GRK5: variants seen among roughly 807,000 people sequenced by gnomAD.
GRK5 encodes the protein G protein-coupled receptor kinase 5.
In GRK5, 40 loss-of-function variants were observed where a neutral mutation model predicts 78.4. The ratio of observed to expected loss-of-function variants is 0.51; its 90% CI spans 0.40 to 0.66. The LOEUF (loss-of-function observed/expected upper bound fraction) is 0.66, where lower values mean the gene tolerates loss of function less well. GRK5 is among the 30% of genes least tolerant of loss of function. The pLI, the probability that GRK5 is intolerant of heterozygous loss-of-function variation, is 0.00. For missense variants in GRK5, 598 were observed against 759.9 expected (o/e 0.79, Z 2.50); for synonymous variants, 289 against 296.8 (o/e 0.97, Z 0.27).
At chr10:119,337,847 C>T (rs1278487044) in intron 2 of GRK5, among the ~76,000 whole-genome samples, 4 of 152,074 alleles carry the variant, frequency 2.6e-5, no homozygotes, top group Non-Finnish European at 4.4e-5. Flanking sequence ...GTTTTGAACT[C>T]CTGATCTCAG....
intron 2 of GRK5, among the ~76,000 whole-genome samples, chr10:119,345,032 C>T (rs1217708524): frequency 6.6e-6 from 1 of 151,564 alleles, no homozygotes; most frequent in Non-Finnish European, 1.5e-5. Flanking sequence ...GCAGTGGCGC[C>T]ATCTCGGCTC....
At chr10:119,443,233 A>G (rs538481672) in intron 11 of GRK5, among the ~76,000 whole-genome samples, 19 of 152,172 alleles carry the variant, frequency 1.2e-4, no homozygotes, top group Non-Finnish European at 2.5e-4. Context: ...AAACAAATAT[A>G]CTGATAGCAC....
chr10:119,395,200 G>A (rs1201857780), intron 3 of GRK5, among the ~76,000 whole-genome samples: 2 of 152,198 alleles, frequency 1.3e-5, no homozygotes, highest in Non-Finnish European at 2.9e-5. Flanking sequence ...CTATCTCCCT[G>A]TGATCTAAAT....
chr10:119,271,020 G>A lies in GRK5; in HGVS notation c.53-55496G>A, dbSNP rs1175483125. ...TGAAATGCATTTAAATGTCATGAGT[G>A]TTATTATTAGTCGTAATCTTATCTT... On this transcript the variant is annotated intron_variant, in intron 1 of 15. Transcript: ENST00000392870. The surrounding 1 kb of genome is among the most constrained non-coding windows in gnomAD (Gnocchi z 4.1). Among the ~76,000 whole-genome samples, 13 of 152,352 alleles carry A rather than the reference G, an allele frequency of 8.5e-5. No homozygotes were observed. Among genetic ancestry groups the A allele is most frequent in the Non-Finnish European group, 2.9e-5 (2 of 68,038 alleles).
Position 119,217,591 on chromosome 10 carries a change from C to T in GRK5, c.52+9622C>T, listed in dbSNP as rs1848595033. ...CATGGCTAGTGGCCAACGAATTGCCCCCAAGGGACTGGATGTGAAGCCCCA... is the reference window on the plus strand; with the variant it reads ...CATGGCTAGTGGCCAACGAATTGCCTCCAAGGGACTGGATGTGAAGCCCCA... On this transcript the variant is annotated intron_variant, in intron 1 of 15. Coordinates refer to ENST00000392870, the MANE Select transcript of GRK5 (RefSeq NM_005308.3). This position sits in a 1 kb window ranked among gnomAD's most constrained non-coding sequence, Gnocchi z 4.1. Among the ~76,000 whole-genome samples the T allele has an allele frequency of 6.6e-6, 1 of 152,218 alleles. No homozygotes were observed. Among genetic ancestry groups the T allele is most frequent in the Non-Finnish European group, 1.5e-5 (1 of 68,036 alleles).
chr10:119,299,840 T>G (rs1182959099), intron 1 of GRK5, among the ~76,000 whole-genome samples: 1 of 151,860 alleles, frequency 6.6e-6, no homozygotes, highest in Non-Finnish European at 1.5e-5. Flanking sequence ...CACTTTAAGT[T>G]CTAGGGTACA....
At chr10:119,274,081 G>A (rs1849629252) in intron 1 of GRK5, among the ~76,000 whole-genome samples, 1 of 152,152 alleles carries the variant, frequency 6.6e-6, no homozygotes, top group African/African-American at 2.4e-5. Context: ...ATTAGAGCTG[G>A]GTTTGTGTCA....
chr10:119,377,248 A>G (rs1851639604), intron 2 of GRK5, among the ~76,000 whole-genome samples: 1 of 152,238 alleles, frequency 6.6e-6, no homozygotes, highest in African/African-American at 2.4e-5. Flanking sequence ...CATGTATCGT[A>G]GAACTTCTCA....
intron 1 of GRK5, among the ~76,000 whole-genome samples, chr10:119,319,714 A>T (rs1392240884): frequency 6.6e-6 from 1 of 152,246 alleles, no homozygotes; most frequent in African/African-American, 2.4e-5. Flanking sequence ...AGCCAGTGCC[A>T]GCAGAAGATT....
intron 1 of GRK5, among the ~76,000 whole-genome samples, chr10:119,288,963 A>G (rs962213305): frequency 6.6e-6 from 1 of 152,226 alleles, no homozygotes; most frequent in Non-Finnish European, 1.5e-5. Flanking sequence ...GAGAGCCTGC[A>G]CAAGAGGGCT....
intron 1 of GRK5, among the ~76,000 whole-genome samples, chr10:119,263,417 T>TTG (rs372821826): frequency 6.6e-6 from 1 of 152,080 alleles, no homozygotes; most frequent in Non-Finnish European, 1.5e-5. Context: ...GGAATCTCAC[T>TTG]TGTGTGTGTG....
chr10:119,415,814 G>T (rs181712610), intron 4 of GRK5, among the ~76,000 whole-genome samples: 30 of 152,288 alleles, frequency 2.0e-4, no homozygotes, highest in Admixed American at 6.5e-4. Context: ...GCCAATCCTG[G>T]CCCCGCCATG....
chr10:119,220,690 C>G (rs1848643326), intron 1 of GRK5, among the ~76,000 whole-genome samples: 1 of 149,666 alleles, frequency 6.7e-6, no homozygotes, highest in Non-Finnish European at 1.5e-5. Context: ...CAAGAATTAG[C>G]CAGGCATGGT....
At chr10:119,243,997 C>T (rs77114090) in intron 1 of GRK5, among the ~76,000 whole-genome samples, 3,296 of 152,352 alleles carry the variant, frequency 0.022, 61 homozygotes, top group Admixed American at 0.057. Context: ...TAGACATGCT[C>T]TTCAGCTTGA....
intron 1 of GRK5, among the ~76,000 whole-genome samples, chr10:119,240,884 C>T (rs1451005348): frequency 6.6e-6 from 1 of 152,146 alleles, no homozygotes; most frequent in African/African-American, 2.4e-5. Context: ...GCCACTGTGC[C>T]CAGCCAGGAG....
At chr10:119,407,052 C>T (rs753962418) in intron 4 of GRK5, among the ~76,000 whole-genome samples, 37 of 152,222 alleles carry the variant, frequency 2.4e-4, no homozygotes, top group Non-Finnish European at 2.4e-4. Flanking sequence ...GGGCCCCGCA[C>T]GCAGTTTTAT....
chr10:119,277,336 C>T (rs1849687070), intron 1 of GRK5, among the ~76,000 whole-genome samples: 2 of 152,066 alleles, frequency 1.3e-5, no homozygotes, highest in African/African-American at 2.4e-5. Flanking sequence ...GTGGAGGACG[C>T]GAAGGGGTTT....
At chr10:119,236,276 C>T (rs759879664) in intron 1 of GRK5, among the ~76,000 whole-genome samples, 40 of 152,082 alleles carry the variant, frequency 2.6e-4, no homozygotes, top group Non-Finnish European at 2.4e-4. Flanking sequence ...AGTGCAGTGG[C>T]GCGATCTCGG....
chr10:119,295,403 A>G (rs76150827), intron 1 of GRK5, among the ~76,000 whole-genome samples: 3,084 of 152,160 alleles, frequency 0.02, 45 homozygotes, highest in South Asian at 0.056. Context: ...ATGGAAAACC[A>G]TGTGGAGGTC....
Sources: allele counts gnomAD v4.1 joint callset (sites outside exome capture counted in the v4.1 genomes callset), GRCh38; gene constraint gnomAD v4.1.1; non-coding constraint Gnocchi (gnomAD v3.1); transcripts MANE v1.5; gene names NCBI Gene and HGNC (gene_info 2026-07-23, HGNC 2026-07-21).